Variants in TNFRSF13B observed in about 807,000 individuals in gnomAD.
The protein encoded by TNFRSF13B is tumor necrosis factor receptor superfamily member 13B.
A neutral mutation model predicts 24.0 loss-of-function variants in TNFRSF13B; 34 were observed. The ratio of observed to expected loss-of-function variants is 1.41; its 90% CI spans 1.08 to 1.88. The LOEUF (loss-of-function observed/expected upper bound fraction) is 1.88. Ranked by LOEUF, TNFRSF13B falls within the 40% of genes most tolerant of loss-of-function variation. TNFRSF13B has a pLI of 0.00. For synonymous variants in TNFRSF13B, 173 were observed against 150.3 expected (o/e 1.15, Z -1.10); for missense variants, 415 against 380.8 (o/e 1.09, Z -0.75).
rs1229410555 is a variant in TNFRSF13B at position 16,948,990 on chromosome 17, G to T, written c.200-7C>A. ...TTGCGGCAGCTGAGTGACCCTGGGA[G>T]AGAGAAATTCATGATACTGCTGGGT... On this transcript the variant is annotated splice_region_variant and splice_polypyrimidine_tract_variant and intron_variant, in intron 2 of 4. Coordinates refer to ENST00000261652, the MANE Select transcript of TNFRSF13B (RefSeq NM_012452.3). 6.2e-6 allele frequency: 10 copies of T among 1,613,990 alleles called. No homozygotes were observed. In the East Asian group the frequency reaches 2.2e-4, roughly 36 times the overall value.
In TNFRSF13B at chr17:16,952,757, C is replaced by A. The variant is rs56286322; in HGVS notation, c.62-174G>T. Among the ~76,000 whole-genome samples the A allele has an allele frequency of 7.7e-4, 117 of 152,302 alleles. No individual in the cohort carries two copies. The East Asian group carries it at 8.7e-3, about 11-fold the overall frequency. ...TAGCCCCCACTGCACTTGCTAGGGG[C>A]CTGGGGCAGCCACCTCCCCTCTCCA... On this transcript the variant is annotated intron_variant, in intron 1 of 4. Transcript: ENST00000261652.
At chr17:16,949,803 A>G (rs2087575813) in intron 2 of TNFRSF13B, among the ~76,000 whole-genome samples, 2 of 151,306 alleles carry the variant, frequency 1.3e-5, no homozygotes, top group South Asian at 4.2e-4. Flanking sequence ...CTCCTGCCTC[A>G]GCCTCCCGAG....
intron 1 of TNFRSF13B, among the ~76,000 whole-genome samples, chr17:16,970,223 TTG>T (rs1393152020): frequency 6.6e-6 from 1 of 152,128 alleles, no homozygotes; most frequent in African/African-American, 2.4e-5. Flanking sequence ...GAATAGAAGC[TTG>T]AGAGAGAAGC....
At chr17:16,950,144 A>G (rs2087578870) in intron 2 of TNFRSF13B, among the ~76,000 whole-genome samples, 1 of 152,256 alleles carries the variant, frequency 6.6e-6, no homozygotes, top group Non-Finnish European at 1.5e-5. Flanking sequence ...TGGCTCACAC[A>G]TATATTTTAA....
chr17:16,970,397 C>A (rs2087735509), intron 1 of TNFRSF13B, among the ~76,000 whole-genome samples: 1 of 152,152 alleles, frequency 6.6e-6, no homozygotes, highest in Non-Finnish European at 1.5e-5. Flanking sequence ...GAGCCCTCTG[C>A]TTGTGCCTCC....
At chr17:16,942,610 A>G (rs539182971) in intron 3 of TNFRSF13B, among the ~76,000 whole-genome samples, 2 of 152,280 alleles carry the variant, frequency 1.3e-5, no homozygotes, top group African/African-American at 2.4e-5. Flanking sequence ...CACCTCTCAA[A>G]TCAAATGCAA....
chr17:16,940,254 G>A, intron 4 of TNFRSF13B, 72 bp downstream of exon 4: 1 of 1,611,346 alleles, frequency 6.2e-7, no homozygotes, highest in Non-Finnish European at 8.5e-7. Flanking sequence ...GGCAGTGACA[G>A]GACCGAGGGA....
At chr17:16,944,524 G>A (rs2087533780) in intron 3 of TNFRSF13B, among the ~76,000 whole-genome samples, 2 of 152,174 alleles carry the variant, frequency 1.3e-5, no homozygotes, top group Admixed American at 6.5e-5. Flanking sequence ...CCGCACCCCA[G>A]CCTGCCCTAA....
At chr17:16,946,588 A>ATTT (rs1170823751) in intron 3 of TNFRSF13B, among the ~76,000 whole-genome samples, 1 of 116,982 alleles carries the variant, frequency 8.5e-6, no homozygotes, top group Admixed American at 9.3e-5. Context: ...TTATTTATTT[A>ATTT]TTTATTTATT....
intron 1 of TNFRSF13B, among the ~76,000 whole-genome samples, chr17:16,965,328 C>T (rs138833218): frequency 0.012 from 1,834 of 152,192 alleles, 43 homozygotes; most frequent in African/African-American, 0.042. Context: ...GCTGGGGGAA[C>T]TACCCCCAGA....
chr17:16,966,221 T>C (rs556260368), intron 1 of TNFRSF13B, among the ~76,000 whole-genome samples: 1 of 149,182 alleles, frequency 6.7e-6, no homozygotes, highest in African/African-American at 2.5e-5. Context: ...ACCACTGCAC[T>C]CCAGCCTACG....
At chr17:16,941,326 A>C (rs764218352) in intron 3 of TNFRSF13B, 1 of 987,720 alleles carries the variant, frequency 1.0e-6, no homozygotes, top group Non-Finnish European at 1.2e-6. Flanking sequence ...GGCTTTGGGC[A>C]TCAGGGCACC....
chr17:16,954,137 G>A (rs554653165), intron 1 of TNFRSF13B, among the ~76,000 whole-genome samples: 166 of 152,348 alleles, frequency 1.1e-3, no homozygotes, highest in African/African-American at 3.9e-3. Context: ...GCTCATGCCT[G>A]TAATCCGAGC....
At chr17:16,955,223 T>A (rs569127295) in intron 1 of TNFRSF13B, among the ~76,000 whole-genome samples, 5 of 152,178 alleles carry the variant, frequency 3.3e-5, no homozygotes, top group Non-Finnish European at 4.4e-5. Context: ...TCACCTGATA[T>A]GGGAGCACTG....
At position 16,969,441 on chromosome 17, in the gene TNFRSF13B, G is replaced by A. The variant is rs145702900; in HGVS notation, c.61+2574C>T. On this transcript the variant is annotated intron_variant, in intron 1 of 4. Transcript: ENST00000261652. ...CTTGAAAACATTATGCCAAGTGGAA[G>A]CAGCTAGTCACAATACATCACATAT... 5.1e-4 allele frequency among the ~76,000 whole-genome samples: 77 copies of A among 152,336 alleles called. No individual in the cohort carries two copies. In the East Asian group the frequency reaches 0.015, roughly 29 times the overall value.
Position 16,939,417 on chromosome 17 carries a change from C to G in TNFRSF13B, c.*130G>C. ...TCTGTCTCTCTCTCCCTCTCTGTCT[C>G]CTCTGTTTCTCTCCCTCTCTGCCTC... On this transcript the variant is annotated 3_prime_UTR_variant, in exon 5 of 5. Coordinates refer to ENST00000261652, the MANE Select transcript of TNFRSF13B (RefSeq NM_012452.3). 8.8e-7 allele frequency: 1 copy of G among 1,133,150 alleles called. No individual in the cohort carries two copies. The highest frequency in any genetic ancestry group is 1.6e-5 in the South Asian group (1 of 62,128). 70.2% of individuals were successfully genotyped at this position (1,133,150 alleles called of 1,614,324 possible). A position where few individuals can be genotyped will look rare whatever the true frequency, so the allele number is the denominator to read the frequency against.
intron 1 of TNFRSF13B, among the ~76,000 whole-genome samples, chr17:16,971,381 A>AACAAAAC (rs1284667783): frequency 1.1e-4 from 12 of 110,812 alleles, no homozygotes; most frequent in African/African-American, 4.2e-4. Context: ...ACAACAAAAC[A>AACAAAAC]AAAAAAAAGA....
At chr17:16,970,966 T>G (rs2087739383) in intron 1 of TNFRSF13B, among the ~76,000 whole-genome samples, 1 of 152,328 alleles carries the variant, frequency 6.6e-6, no homozygotes, top group African/African-American at 2.4e-5. Context: ...GAATCTAGGC[T>G]GTGCCCCGGG....
At chr17:16,952,141 C>T (rs1178438304) in intron 2 of TNFRSF13B, among the ~76,000 whole-genome samples, 1 of 152,076 alleles carries the variant, frequency 6.6e-6, no homozygotes, top group African/African-American at 2.4e-5. Flanking sequence ...AGACCCCTGA[C>T]GTTTGGGCTG....
Sources: gnomAD v4.1 joint callset for allele counts (sites outside exome capture counted in the v4.1 genomes callset) on GRCh38, gnomAD v4.1.1 for gene constraint, MANE v1.5 for transcripts, NCBI Gene and HGNC (gene_info 2026-07-23, HGNC 2026-07-21) for gene names.